GADL1: variants seen among roughly 807,000 people sequenced by gnomAD.
The protein encoded by GADL1 is acidic amino acid decarboxylase GADL1.
In GADL1, 71 loss-of-function variants were observed where a neutral mutation model predicts 69.5. The observed-to-expected ratio is 1.02, with a 90% CI of 0.84 to 1.25. The LOEUF is 1.25. Among genes scored for constraint, GADL1 ranks in the 50% most tolerant of loss-of-function variants. The pLI, the probability that GADL1 is intolerant of heterozygous loss-of-function variation, is 0.00. For missense variants in GADL1, 737 were observed against 631.8 expected (o/e 1.17, Z -1.79); for synonymous variants, 254 against 214.4 (o/e 1.18, Z -1.62).
intron 14 of GADL1, among the ~76,000 whole-genome samples, chr3:30,759,762 T>A (rs1390997691): frequency 7.2e-5 from 11 of 152,236 alleles, no homozygotes; most frequent in African/African-American, 2.7e-4. Context: ...CCACTGGGTT[T>A]GTGCATATGG....
chr3:30,744,049 C>T (rs1186300587), intron 14 of GADL1, among the ~76,000 whole-genome samples: 1 of 152,124 alleles, frequency 6.6e-6, no homozygotes, highest in East Asian at 1.9e-4. Flanking sequence ...TATTATAAAC[C>T]ATTGAGATTT....
chr3:30,879,242 T>C (rs555394068), intron 1 of GADL1, among the ~76,000 whole-genome samples: 1 of 152,038 alleles, frequency 6.6e-6, no homozygotes, highest in South Asian at 2.1e-4. Context: ...CACTTTAGCT[T>C]TTGGTGATGG....
chr3:30,731,769 A>G (rs1033745907), intron 14 of GADL1, among the ~76,000 whole-genome samples: 1 of 152,208 alleles, frequency 6.6e-6, no homozygotes, highest in Non-Finnish European at 1.5e-5. Flanking sequence ...TGAGTCTATG[A>G]ACTATAAGAT....
Position 30,790,370 on chromosome 3 carries a change from T to C in GADL1, c.1251-3964A>G, listed in dbSNP as rs538767803. On this transcript the variant is annotated intron_variant, in intron 12 of 14. Coordinates refer to ENST00000282538, the MANE Select transcript of GADL1 (RefSeq NM_207359.3). ...ACTGATGACTCAAACATTTTTATTA[T>C]GAGAATTACCAAAACATAACACAGA... is the stretch of plus-strand genomic sequence containing the variant. Among the ~76,000 whole-genome samples the C allele has an allele frequency of 2.0e-4, 31 of 152,246 alleles. 1 individual carries two copies. In the South Asian group the frequency reaches 5.8e-3, roughly 28 times the overall value.
chr3:30,790,637 A>G, intron 12 of GADL1, among the ~76,000 whole-genome samples: 1 of 152,214 alleles, frequency 6.6e-6, no homozygotes, highest in East Asian at 1.9e-4. Context: ...AAGTTGCTAT[A>G]AACCTTTTAA....
chr3:30,823,599 A>G (rs911962514), intron 11 of GADL1, among the ~76,000 whole-genome samples: 1 of 151,994 alleles, frequency 6.6e-6, no homozygotes, highest in African/African-American at 2.4e-5. Flanking sequence ...ATTTTCAAAT[A>G]AAATATTAAG....
At chr3:30,802,721 A>AT (rs1158098294) in intron 11 of GADL1, among the ~76,000 whole-genome samples, 8 of 152,202 alleles carry the variant, frequency 5.3e-5, no homozygotes, top group East Asian at 1.9e-4. Context: ...AAAAAGTATG[A>AT]TTTTATACTA....
intron 11 of GADL1, among the ~76,000 whole-genome samples, chr3:30,804,183 C>T (rs533477545): frequency 2.0e-5 from 3 of 152,214 alleles, no homozygotes; most frequent in South Asian, 2.1e-4. Flanking sequence ...CAGTTGAATC[C>T]GGTACTAAGT....
intron 14 of GADL1, among the ~76,000 whole-genome samples, chr3:30,742,163 C>T (rs1695635896): frequency 6.6e-6 from 1 of 152,096 alleles, no homozygotes; most frequent in Non-Finnish European, 1.5e-5. Context: ...CATCATATTC[C>T]CTCTGTGCTC....
intron 14 of GADL1, among the ~76,000 whole-genome samples, chr3:30,752,730 C>A (rs922356773): frequency 1.3e-5 from 2 of 152,132 alleles, no homozygotes; most frequent in Non-Finnish European, 2.9e-5. Context: ...GCTCTTAGTT[C>A]CTTTGAGTAT....
In GADL1 at chr3:30,866,642, G is replaced by C. The variant is rs112423084; in HGVS notation, c.38-4877C>G. 7.8e-3 allele frequency among the ~76,000 whole-genome samples: 1,188 copies of C among 152,048 alleles called. 60 individuals carry two copies. In the East Asian group the frequency reaches 0.14, roughly 18 times the overall value. On this transcript the variant is annotated intron_variant, in intron 1 of 14. Coordinates refer to ENST00000282538, the MANE Select transcript of GADL1 (RefSeq NM_207359.3). Reference sequence around the variant, plus strand: ...AGGAAGAGAGGACCACAGTGGTTGGGGGTTCCCCTGTGAGAAGAGCAGAGC... The same window carrying C: ...AGGAAGAGAGGACCACAGTGGTTGGCGGTTCCCCTGTGAGAAGAGCAGAGC...
intron 14 of GADL1, among the ~76,000 whole-genome samples, chr3:30,754,030 C>G (rs570185001): frequency 2.6e-5 from 4 of 152,166 alleles, no homozygotes; most frequent in Non-Finnish European, 4.4e-5. Flanking sequence ...CTTGCATTAC[C>G]AATTGTATTC....
At chr3:30,864,083 A>G (rs1389904) in intron 1 of GADL1, among the ~76,000 whole-genome samples, 25,918 of 151,766 alleles carry the variant, frequency 0.17, 2,260 homozygotes, top group African/African-American at 0.22. Context: ...AAATATTGAA[A>G]CCCTAGAATT....
At chr3:30,746,348 C>T (rs182507427) in intron 14 of GADL1, among the ~76,000 whole-genome samples, 12 of 152,248 alleles carry the variant, frequency 7.9e-5, no homozygotes, top group Admixed American at 2.6e-4. Context: ...TCACTGCAGA[C>T]CTACTGAGCC....
At chr3:30,738,544 TG>T (rs1440586642) in intron 14 of GADL1, among the ~76,000 whole-genome samples, 2 of 152,138 alleles carry the variant, frequency 1.3e-5, no homozygotes, top group African/African-American at 4.8e-5. Flanking sequence ...GCAAAGTAAA[TG>T]GGATCTTCAG....
intron 14 of GADL1, among the ~76,000 whole-genome samples, chr3:30,764,226 G>T (rs887105862): frequency 1.1e-3 from 128 of 114,552 alleles, no homozygotes; most frequent in African/African-American, 4.1e-3. Flanking sequence ...ATTCTCTTAA[G>T]AGATTTTTAG....
At chr3:30,758,947 C>CT (rs1453514733) in intron 14 of GADL1, among the ~76,000 whole-genome samples, 3 of 152,178 alleles carry the variant, frequency 2.0e-5, no homozygotes, top group Non-Finnish European at 4.4e-5. Context: ...ATTGCAGAGG[C>CT]TTACACATTT....
At chr3:30,838,060 A>G (rs1242285948) in intron 9 of GADL1, among the ~76,000 whole-genome samples, 1 of 152,126 alleles carries the variant, frequency 6.6e-6, no homozygotes, top group Non-Finnish European at 1.5e-5. Flanking sequence ...AAAATCATCT[A>G]AACTACAAAA....
At chr3:30,733,648 C>T (rs140779557) in intron 14 of GADL1, among the ~76,000 whole-genome samples, 5,661 of 150,608 alleles carry the variant, frequency 0.038, 358 homozygotes, top group African/African-American at 0.13. Flanking sequence ...TCCTTCCCTC[C>T]CTCCCTCCTT....
Sources: allele counts gnomAD v4.1 joint callset (sites outside exome capture counted in the v4.1 genomes callset), GRCh38; gene constraint gnomAD v4.1.1; transcripts MANE v1.5; gene names NCBI Gene and HGNC (gene_info 2026-07-23, HGNC 2026-07-21).